DNAH5: variants seen among roughly 807,000 people sequenced by gnomAD.
DNAH5 encodes axonemal beta dynein heavy chain 5.
Under a neutral mutation model 518.2 loss-of-function variants are expected in DNAH5, and 372 were observed. That is an observed-to-expected ratio of 0.72 (90% confidence interval 0.66 to 0.78). The LOEUF is 0.78. Among genes scored for constraint, DNAH5 ranks in the 30% least tolerant of loss-of-function variants. DNAH5 has a pLI of 0.00. For synonymous variants in DNAH5, 2,039 were observed against 2,025.9 expected (o/e 1.01, Z -0.17); for missense variants, 5,523 against 5,687.0 (o/e 0.97, Z 0.93).
intron 30 of DNAH5, among the ~76,000 whole-genome samples, chr5:13,856,716 G>C (rs948762385): frequency 1.3e-5 from 2 of 151,756 alleles, no homozygotes; most frequent in African/African-American, 4.8e-5. Context: ...TTCAACATAT[G>C]CAAATAAACA....
intron 47 of DNAH5, among the ~76,000 whole-genome samples, chr5:13,796,916 T>A (rs1402992614): frequency 6.6e-6 from 1 of 152,182 alleles, no homozygotes; most frequent in East Asian, 1.9e-4. Context: ...AACCATCTGA[T>A]CTTTGACAAA....
chr5:13,997,024 T>C (rs1429916342), intron 1 of DNAH5, among the ~76,000 whole-genome samples: 2 of 152,172 alleles, frequency 1.3e-5, no homozygotes, highest in Admixed American at 1.3e-4. Context: ...GAGACAGCCA[T>C]TCCCCCACAG....
chr5:13,786,206 A>C lies in DNAH5; in HGVS notation c.8793T>G (p.Phe2931Leu). The C allele has an allele frequency of 6.2e-7, 1 of 1,614,070 alleles. No homozygotes were observed. The highest frequency in any genetic ancestry group is 8.5e-7 in the Non-Finnish European group (1 of 1,179,982). ...TGACTAAGTGAACCATGGCATCTGC[A>C]AAGAACACCATGTCCATGCCGGCGC... Reference protein sequence around the residue: ...IRGAGMDMVFFADAMVHLVKI... With the variant: ...IRGAGMDMVFLADAMVHLVKI... The change falls in exon 52 of 79, where the codon TTT becomes TTG. Residue 2931 changes from phenylalanine (F) to leucine (L), a missense_variant. Physicochemically the swap from Phe to Leu is conservative, Grantham distance 22. Coordinates refer to ENST00000265104, the MANE Select transcript of DNAH5 (RefSeq NM_001369.3).
Position 13,807,607 on chromosome 5 carries a change from G to C in DNAH5, c.7871C>G (p.Thr2624Ser), listed in dbSNP as rs1580348645. 6.2e-7 allele frequency: 1 copy of C among 1,613,748 alleles called. No homozygotes were observed. Among genetic ancestry groups the C allele is most frequent in the Non-Finnish European group, 8.5e-7 (1 of 1,179,814 alleles). Residue 2624 changes from threonine (T) to serine (S), a missense_variant, in exon 47 of 79, where the codon ACC becomes AGC. Coordinates refer to ENST00000265104, the MANE Select transcript of DNAH5 (RefSeq NM_001369.3). Reference sequence around the variant, plus strand: ...AGCCAGTACCTGGAACATCAGTGGGGTGGTTGCAGAAGAAAAATTCAGACT... The same window carrying C: ...AGCCAGTACCTGGAACATCAGTGGGCTGGTTGCAGAAGAAAAATTCAGACT... ...IKSLNFSSATTPLMFQRTIES... is the reference protein window; with the variant it reads ...IKSLNFSSATSPLMFQRTIES...
At chr5:13,991,217 C>A (rs1783518201) in intron 1 of DNAH5, among the ~76,000 whole-genome samples, 1 of 152,176 alleles carries the variant, frequency 6.6e-6, no homozygotes, top group African/African-American at 2.4e-5. Context: ...AAGAGCAAAG[C>A]AAACCTTAAA....
At chr5:13,740,425 C>T (rs1342282939) in intron 65 of DNAH5, among the ~76,000 whole-genome samples, 1 of 152,156 alleles carries the variant, frequency 6.6e-6, no homozygotes, top group Admixed American at 6.6e-5. Flanking sequence ...AAGGCTCTAC[C>T]AAGCTGCCCC....
intron 19 of DNAH5, among the ~76,000 whole-genome samples, chr5:13,884,341 T>C (rs1005703747): frequency 3.9e-5 from 6 of 152,248 alleles, no homozygotes; most frequent in South Asian, 2.1e-4. Flanking sequence ...AATAATTTTA[T>C]ATTTTTTCAT....
At chr5:13,983,193 C>G (rs1295638844) in intron 1 of DNAH5, among the ~76,000 whole-genome samples, 6 of 152,174 alleles carry the variant, frequency 3.9e-5, no homozygotes, top group Non-Finnish European at 8.8e-5. Context: ...TGCCTCCATG[C>G]TGGATGAAGG....
intron 50 of DNAH5, among the ~76,000 whole-genome samples, chr5:13,789,375 CA>C (rs1000668776): frequency 6.6e-6 from 1 of 151,484 alleles, no homozygotes; most frequent in South Asian, 2.1e-4. Flanking sequence ...ATTATCTGAA[CA>C]AAAAAAAGCA....
intron 14 of DNAH5, 88 bp from the exon 15 acceptor site, chr5:13,900,500 T>A: frequency 9.1e-7 from 1 of 1,103,176 alleles, no homozygotes; most frequent in Non-Finnish European, 1.4e-6. Context: ...TAAGGATCAT[T>A]AAATGTTCTT....
Position 13,830,231 on chromosome 5 carries a change from A to G in DNAH5, c.6062-18T>C, listed in dbSNP as rs1400290214. 3 of 1,609,552 alleles carry G rather than the reference A, an allele frequency of 1.9e-6. No homozygotes were observed. Among genetic ancestry groups the G allele is most frequent in the South Asian group, 2.2e-5 (2 of 90,936 alleles). Reference sequence around the variant, plus strand: ...TGCCAGTCCTTCGAAAGGAAATTAAATGAAAAATCCAATTAGTATATAATT... The same window carrying G: ...TGCCAGTCCTTCGAAAGGAAATTAAGTGAAAAATCCAATTAGTATATAATT... On this transcript the variant is annotated intron_variant, in intron 36 of 78. Coordinates refer to ENST00000265104, the MANE Select transcript of DNAH5 (RefSeq NM_001369.3).
At chr5:13,980,483 C>T (rs1782596293) in intron 1 of DNAH5, among the ~76,000 whole-genome samples, 1 of 152,076 alleles carries the variant, frequency 6.6e-6, no homozygotes, top group African/African-American at 2.4e-5. Context: ...TCGGTCTTCC[C>T]CCTCCTTCCA....
At chr5:13,897,223 T>C (rs1016111536) in intron 15 of DNAH5, among the ~76,000 whole-genome samples, 1 of 152,234 alleles carries the variant, frequency 6.6e-6, no homozygotes, top group Admixed American at 6.5e-5. Flanking sequence ...AAAGCCACTT[T>C]AGAAAAGTCT....
At chr5:13,810,582 T>TAAAAA in intron 44 of DNAH5, 1 of 40,666 alleles carries the variant, frequency 2.5e-5, no homozygotes, top group Admixed American at 2.9e-4. Context: ...CTACTAAAAA[T>TAAAAA]ACAAAAAAAA....
intron 15 of DNAH5, chr5:13,896,879 T>A (rs1773976088): frequency 6.6e-6 from 1 of 152,228 alleles, no homozygotes; most frequent in Non-Finnish European, 1.5e-5. Context: ...ATAAATACAG[T>A]TGGTATTAAG....
At chr5:13,753,976 C>T (rs1256995375) in intron 62 of DNAH5, among the ~76,000 whole-genome samples, 2 of 152,064 alleles carry the variant, frequency 1.3e-5, no homozygotes. Flanking sequence ...AGAACAATGT[C>T]TCTTTCTCTG....
intron 12 of DNAH5, among the ~76,000 whole-genome samples, chr5:13,905,516 T>C (rs146377053): frequency 9.4e-4 from 143 of 152,320 alleles, no homozygotes; most frequent in African/African-American, 3.4e-3. Context: ...TCTGCAGTTA[T>C]GTTATAGCAA....
At chr5:13,712,639 T>A (rs1008558590) in intron 75 of DNAH5, among the ~76,000 whole-genome samples, 2 of 151,182 alleles carry the variant, frequency 1.3e-5, no homozygotes, top group Non-Finnish European at 3.0e-5. Context: ...AAACAAACAA[T>A]CCCATCCAAA....
chr5:13,872,870 TCA>T (rs1177848233), intron 22 of DNAH5, among the ~76,000 whole-genome samples: 1 of 152,086 alleles, frequency 6.6e-6, no homozygotes, highest in East Asian at 1.9e-4. Flanking sequence ...CATATGGTTC[TCA>T]CTCATAAGTT....
Sources: gnomAD v4.1 joint callset for allele counts (sites outside exome capture counted in the v4.1 genomes callset) on GRCh38, gnomAD v4.1.1 for gene constraint, MANE v1.5 for transcripts, NCBI Gene and HGNC (gene_info 2026-07-23, HGNC 2026-07-21) for gene names.